Variants in LPP observed in about 807,000 individuals in gnomAD.
The protein encoded by LPP is lipoma-preferred partner.
A neutral mutation model predicts 60.4 loss-of-function variants in LPP; 38 were observed. That is an observed-to-expected ratio of 0.63 (90% CI 0.49 to 0.83). The LOEUF is 0.83. Among genes scored for constraint, LPP ranks in the 40% least tolerant of loss-of-function variants. The pLI, the probability that LPP is intolerant of heterozygous loss-of-function variation, is 0.00. For synonymous variants in LPP, 328 were observed against 290.8 expected (o/e 1.13, Z -1.30); for missense variants, 902 against 783.6 (o/e 1.15, Z -1.80).
chr3:188,564,191 T>C (rs1030738886), intron 6 of LPP, among the ~76,000 whole-genome samples: 4 of 152,034 alleles, frequency 2.6e-5, no homozygotes, highest in African/African-American at 9.7e-5. Context: ...GATTCTATGA[T>C]AGGAAGGTCC....
chr3:188,683,953 A>C (rs1860095486), intron 7 of LPP, among the ~76,000 whole-genome samples: 1 of 152,236 alleles, frequency 6.6e-6, no homozygotes. Context: ...ACTAGACTTG[A>C]AGTCGGGAAA....
intron 3 of LPP, among the ~76,000 whole-genome samples, chr3:188,381,591 A>G (rs945430941): frequency 1.3e-5 from 2 of 152,184 alleles, no homozygotes; most frequent in Non-Finnish European, 2.9e-5. Context: ...GTAGGTACCC[A>G]CTTTCCGATT....
chr3:188,155,595 A>G (rs1049191825), intron 1 of LPP, among the ~76,000 whole-genome samples: 1 of 152,198 alleles, frequency 6.6e-6, no homozygotes, highest in Non-Finnish European at 1.5e-5. Flanking sequence ...TGGGTGCTAG[A>G]CCTAGAGCCT....
At chr3:188,331,447 C>T (rs12490095) in intron 2 of LPP, among the ~76,000 whole-genome samples, 65,047 of 152,016 alleles carry the variant, frequency 0.43, 15,740 homozygotes, top group East Asian at 0.71. Context: ...TTAATGTTTT[C>T]CCTTGTATTA....
intron 7 of LPP, among the ~76,000 whole-genome samples, chr3:188,642,658 C>T (rs1424096226): frequency 2.0e-5 from 3 of 152,112 alleles, no homozygotes; most frequent in African/African-American, 4.8e-5. Flanking sequence ...GATAATCGGT[C>T]AGGTGCGGTG....
At chr3:188,556,916 A>G (rs1579931629) in intron 6 of LPP, among the ~76,000 whole-genome samples, 1 of 152,052 alleles carries the variant, frequency 6.6e-6, no homozygotes, top group East Asian at 1.9e-4. Flanking sequence ...AATTTCCTAA[A>G]ATAATAGTTA....
At chr3:188,539,013 GA>G (rs1446823523) in intron 6 of LPP, among the ~76,000 whole-genome samples, 1 of 152,194 alleles carries the variant, frequency 6.6e-6, no homozygotes, top group African/African-American at 2.4e-5. Flanking sequence ...TGGCCAGGGG[GA>G]GGGGACAATA....
intron 2 of LPP, among the ~76,000 whole-genome samples, chr3:188,313,727 C>G (rs1212657445): frequency 1.3e-5 from 2 of 151,952 alleles, no homozygotes; most frequent in African/African-American, 4.8e-5. Flanking sequence ...GCATTACATG[C>G]TATACATTGT....
chr3:188,504,721 T>A (rs1402828442), intron 5 of LPP, among the ~76,000 whole-genome samples: 2 of 151,984 alleles, frequency 1.3e-5, no homozygotes, highest in African/African-American at 4.8e-5. Context: ...CTTTCTCATT[T>A]CCTCTGTTGT....
rs1181047961 is a variant in LPP, at chr3:188,771,579, G to GAAAGGAAGA, written c.1410+11302_1410+11303insAAGAAAAGG. 5.3e-3 allele frequency among the ~76,000 whole-genome samples: 790 copies of GAAAGGAAGA among 148,378 alleles called. 6 individuals are homozygous for GAAAGGAAGA. Among genetic ancestry groups the GAAAGGAAGA allele is most frequent in the Admixed American group, 0.013 (186 of 14,820 alleles). ...AAAAAAAAAAAAAGAAAGAAAGAAA[G>GAAAGGAAGA]AAAGGGAGAAAGAAAGAAAGAAAGA... On this transcript the variant is annotated intron_variant, in intron 9 of 11. Transcript: ENST00000617246.
intron 4 of LPP, among the ~76,000 whole-genome samples, chr3:188,417,274 C>T (rs1425908528): frequency 6.6e-6 from 1 of 152,010 alleles, no homozygotes; most frequent in African/African-American, 2.4e-5. Flanking sequence ...ATAAAAATTG[C>T]ATTATGTAAA....
intron 9 of LPP, among the ~76,000 whole-genome samples, chr3:188,831,341 G>T (rs909589412): frequency 2.6e-5 from 4 of 152,182 alleles, no homozygotes; most frequent in African/African-American, 9.7e-5. Flanking sequence ...GGGGCTCAAA[G>T]GGTTCAGTCC....
intron 6 of LPP, among the ~76,000 whole-genome samples, chr3:188,606,139 T>C (rs1842333556): frequency 6.6e-6 from 1 of 152,156 alleles, no homozygotes; most frequent in Admixed American, 6.5e-5. Flanking sequence ...CTCTAGATTT[T>C]CACCTCCACA....
intron 9 of LPP, among the ~76,000 whole-genome samples, chr3:188,809,352 C>T (rs1750166861): frequency 6.6e-6 from 1 of 152,054 alleles, no homozygotes; most frequent in South Asian, 2.1e-4. Flanking sequence ...TATATTGTTT[C>T]TTGACTTTTT....
intron 4 of LPP, among the ~76,000 whole-genome samples, chr3:188,463,640 T>TTA (rs1799670251): frequency 6.6e-6 from 1 of 152,228 alleles, no homozygotes; most frequent in Non-Finnish European, 1.5e-5. Flanking sequence ...ATAATATTAA[T>TTA]AAACTTAATT....
chr3:188,754,184 A>G (rs1406208508), intron 8 of LPP, among the ~76,000 whole-genome samples: 1 of 152,184 alleles, frequency 6.6e-6, no homozygotes, highest in Non-Finnish European at 1.5e-5. Flanking sequence ...GGCAACCCAA[A>G]AGAAGCCTGT....
intron 3 of LPP, among the ~76,000 whole-genome samples, chr3:188,398,273 TA>T (rs1472092014): frequency 6.6e-6 from 1 of 152,184 alleles, no homozygotes; most frequent in Admixed American, 6.5e-5. Context: ...ATCTAATCTT[TA>T]GTGTACAGAT....
intron 2 of LPP, among the ~76,000 whole-genome samples, chr3:188,255,627 T>C (rs1246353627): frequency 1.3e-5 from 2 of 152,236 alleles, no homozygotes; most frequent in African/African-American, 4.8e-5. Flanking sequence ...TCCTATAGTG[T>C]TTAATTCATA....
chr3:188,507,074 G>C (rs1304919060), intron 5 of LPP, among the ~76,000 whole-genome samples: 2 of 100,724 alleles, frequency 2.0e-5, no homozygotes, highest in African/African-American at 6.1e-5. Context: ...TGGGATTACA[G>C]GCATGAGCCA....
Sources: gnomAD v4.1 joint callset for allele counts (sites outside exome capture counted in the v4.1 genomes callset) on GRCh38, gnomAD v4.1.1 for gene constraint, MANE v1.5 for transcripts, NCBI Gene and HGNC (gene_info 2026-07-23, HGNC 2026-07-21) for gene names.